TBC1D10B: variants seen among roughly 807,000 people sequenced by gnomAD.
TBC1D10B encodes Rab27A-GAPbeta.
In TBC1D10B, 25 loss-of-function variants were observed where a neutral mutation model predicts 78.4. That is an observed-to-expected ratio of 0.32 (90% CI 0.23 to 0.45). The LOEUF (loss-of-function observed/expected upper bound fraction) is 0.45, where lower values mean the gene tolerates loss of function less well. Among genes scored for constraint, TBC1D10B ranks in the 20% least tolerant of loss-of-function variants. The pLI, the probability that TBC1D10B is intolerant of heterozygous loss-of-function variation, is 1.00. For synonymous variants in TBC1D10B, 517 were observed against 478.0 expected, an observed-to-expected ratio of 1.08 and a Z score of -1.06; for missense variants, 996 against 1,104.8, an observed-to-expected ratio of 0.90 and a Z score of 1.40.
intron 1 of TBC1D10B, chr16:30,366,188 G>C (rs937236710): frequency 6.6e-6 from 1 of 152,322 alleles, no homozygotes; most frequent in African/African-American, 2.4e-5. Context: ...ACGAGATTCT[G>C]TCTCTACAAA....
chr16:30,361,520 C>A (rs1239706903), intron 4 of TBC1D10B, among the ~76,000 whole-genome samples: 1 of 152,068 alleles, frequency 6.6e-6, no homozygotes, highest in African/African-American at 2.4e-5. Flanking sequence ...AACTCTGTCT[C>A]CCAGGTTCAC....
chr16:30,365,758 A>C lies in TBC1D10B; in HGVS notation c.957-164T>G, dbSNP rs748840950. The C allele has an allele frequency of 1.6e-6, 1 of 626,798 alleles. No individual in the cohort carries two copies. Among genetic ancestry groups the C allele is most frequent in the East Asian group, 2.8e-5 (1 of 35,658 alleles). The allele number at this position is 626,798 out of a possible 1,614,324, so 38.8% of individuals were successfully genotyped here. On this transcript the variant is annotated intron_variant, in intron 1 of 8. Transcript: ENST00000409939. This position sits in a 1 kb window ranked among gnomAD's most constrained non-coding sequence, Gnocchi z 5.0. ...TGGCCACTTGGGCATCCCAAGGCAC[A>C]CTGAAAGGGCTTCCTTCCCTGATGG...
rs1013641678 is a variant in TBC1D10B, at chr16:30,358,441, C to T, written c.1930G>A (p.Glu644Lys). The T allele has an allele frequency of 5.7e-6, 9 of 1,588,558 alleles. No individual in the cohort carries two copies. Among genetic ancestry groups the T allele is most frequent in the African/African-American group, 2.7e-5 (2 of 74,388 alleles). The change falls in exon 9 of 9, where the codon GAG becomes AAG. Residue 644 changes from glutamate to lysine, a missense_variant. Around this residue, in one of 5 missense-constraint regions of TBC1D10B, gnomAD observed 285 missense variants for 252.5 expected, o/e 1.13. Transcript: ENST00000409939. ...RRLHGSRAIH[E>K]ERRRQQPPLG... ...GGTGGCTGTTGCCGCCGGCGCTCCT[C>T]GTGGATGGCCCGGGACCCATGCAGT...
intron 1 of TBC1D10B, among the ~76,000 whole-genome samples, chr16:30,368,170 T>G (rs1466858709): frequency 6.6e-6 from 1 of 152,200 alleles, no homozygotes; most frequent in East Asian, 1.9e-4. Context: ...TGATTTTGGT[T>G]GGCTCATGAA....
At chr16:30,361,324 C>G (rs1379962034) in intron 4 of TBC1D10B, among the ~76,000 whole-genome samples, 1 of 152,202 alleles carries the variant, frequency 6.6e-6, no homozygotes, top group African/African-American at 2.4e-5. Flanking sequence ...TTACCCCTCT[C>G]TTCCCTCCAA....
At position 30,358,533 on chromosome 16, in the gene TBC1D10B, TC is replaced by T; in HGVS notation, c.1837del (p.Glu613ArgfsTer298). 1 of 1,609,316 alleles carries T rather than the reference TC, an allele frequency of 6.2e-7. No individual in the cohort carries two copies. The highest frequency in any genetic ancestry group is 8.5e-7 in the Non-Finnish European group (1 of 1,176,542). ...LPVTEALIER[E>X]NAAQLKKWRE... is the part of the protein sequence containing the mutation. ...CCACTTCTTGAGCTGGGCTGCATTC[TC>T]CCGCTCAATCAGTGCTTCTGTCACC... On this transcript the variant is annotated frameshift_variant, in exon 9 of 9. Coordinates refer to ENST00000409939, the MANE Select transcript of TBC1D10B (RefSeq NM_015527.4). LOFTEE classifies it high-confidence loss of function.
rs113035492 is a variant in TBC1D10B at position 30,359,230 on chromosome 16, G to A, written c.1584C>T (p.Phe528=). The A allele has an allele frequency of 8.1e-6, 13 of 1,613,158 alleles. No individual in the cohort carries two copies. Among genetic ancestry groups the A allele is most frequent in the South Asian group, 5.5e-5 (5 of 90,874 alleles). The change falls in exon 7 of 9, where the codon TTC becomes TTT. Residue 528 remains phenylalanine (F), a synonymous_variant. Coordinates refer to ENST00000409939, the MANE Select transcript of TBC1D10B (RefSeq NM_015527.4). ...CCGACGCCCAGGGCAGGGTGCGGGC[G>A]AAGATGCACATGAACCACTCCGTCA... ...LYMTEWFMCI[F]ARTLPWASVL... is the part of the protein sequence containing the mutation.
In TBC1D10B at chr16:30,369,356, C is replaced by T. The variant is rs370266226; in HGVS notation, c.828G>A (p.Met276Ile). The part of the protein sequence containing the change: ...TLSYLDSVSL[M>I]SGTLESLADD... ...CCGCCAAGGACTCCAAGGTCCCAGA[C>T]ATGAGGCTCACGGAGTCCAAGTAAC... is the stretch of plus-strand genomic sequence containing the variant. The change falls in exon 1 of 9, where the codon ATG (methionine) becomes ATA (isoleucine). Residue 276 changes from methionine (M) to isoleucine (I), a missense_variant. Met to Ile is a conservative substitution (Grantham distance 10). Coordinates refer to ENST00000409939, the MANE Select transcript of TBC1D10B (RefSeq NM_015527.4). The surrounding 1 kb of genome is among the most constrained non-coding windows in gnomAD (Gnocchi z 4.3). 4 of 1,597,814 alleles carry T rather than the reference C, an allele frequency of 2.5e-6. No individual in the cohort carries two copies. The highest frequency in any genetic ancestry group is 2.7e-5 in the African/African-American group (2 of 74,588).
chr16:30,357,870 G>T lies in TBC1D10B; in HGVS notation c.*74C>A. ...GGACAGCCTGACAAGGTGCTAGGGG[G>T]TGGCACCTTGGGCCAGGCCTGTTCT... On this transcript the variant is annotated 3_prime_UTR_variant, in exon 9 of 9. Coordinates refer to ENST00000409939, the MANE Select transcript of TBC1D10B (RefSeq NM_015527.4). 1 of 1,477,702 alleles carries T rather than the reference G, an allele frequency of 6.8e-7. No individual in the cohort carries two copies. The highest frequency in any genetic ancestry group is 1.3e-5 in the South Asian group (1 of 74,130). 91.5% of individuals were successfully genotyped at this position (1,477,702 alleles called of 1,614,324 possible).
In TBC1D10B at chr16:30,365,402, A is replaced by T; in HGVS notation, c.1056+93T>A. On this transcript the variant is annotated intron_variant, in intron 2 of 8. Coordinates refer to ENST00000409939, the MANE Select transcript of TBC1D10B (RefSeq NM_015527.4). The surrounding 1 kb of genome is among the most constrained non-coding windows in gnomAD (Gnocchi z 5.0). ...CCCATCTATCCCCAGTGTGGTCCAG[A>T]GGGCAGATATTATCGGCTTCCTGGG... The T allele has an allele frequency of 6.8e-7, 1 of 1,460,720 alleles. No individual in the cohort carries two copies. The allele number at this position is 1,460,720 out of a possible 1,614,324, so 90.5% of individuals were successfully genotyped here.
At position 30,365,197 on chromosome 16, in the gene TBC1D10B, G is replaced by A. The variant is rs1484516122; in HGVS notation, c.1072C>T (p.Arg358Trp). The A allele has an allele frequency of 4.3e-6, 7 of 1,613,838 alleles. No individual in the cohort carries two copies. The highest frequency in any genetic ancestry group is 2.2e-5 in the East Asian group (1 of 44,878). Residue 358 changes from arginine (R) to tryptophan (W), a missense_variant, in exon 3 of 9, where the codon CGG becomes TGG. Physicochemically the swap from Arg to Trp is moderately radical, Grantham distance 101. Coordinates refer to ENST00000409939, the MANE Select transcript of TBC1D10B (RefSeq NM_015527.4). This position sits in a 1 kb window ranked among gnomAD's most constrained non-coding sequence, Gnocchi z 5.0. ...RRFQKVKLRC[R>W]KGIPSSLRAK... Reference sequence around the variant, plus strand: ...CTGAGAGAGGAGGGGATCCCCTTCCGGCAGCGCAGCTTCACCTAAGGCAAA... The same window carrying A: ...CTGAGAGAGGAGGGGATCCCCTTCCAGCAGCGCAGCTTCACCTAAGGCAAA...
At chr16:30,366,433 A>C (rs980903016) in intron 1 of TBC1D10B, 3 of 152,112 alleles carry the variant, frequency 2.0e-5, no homozygotes, top group African/African-American at 7.2e-5. Flanking sequence ...TGAACCCGGG[A>C]GGCGGAGGGT....
Position 30,369,400 on chromosome 16 carries a change from G to C in TBC1D10B, c.784C>G (p.Gln262Glu). The C allele has an allele frequency of 1.3e-6, 2 of 1,582,162 alleles. No individual in the cohort carries two copies. The highest frequency in any genetic ancestry group is 1.7e-6 in the Non-Finnish European group (2 of 1,164,332). The part of the protein sequence containing the change: ...LGPGISGPRG[Q>E]APDTLSYLDS... Reference sequence around the variant, plus strand: ...AAGTAACTCAGCGTGTCCGGGGCCTGCCCTCGAGGCCCAGAGATGCCAGGT... The same window carrying C: ...AAGTAACTCAGCGTGTCCGGGGCCTCCCCTCGAGGCCCAGAGATGCCAGGT... Residue 262 changes from glutamine (Q) to glutamate (E), a missense_variant, in exon 1 of 9, where the codon CAG (glutamine) becomes GAG (glutamate). Physicochemically the swap from Gln to Glu is conservative, Grantham distance 29. Transcript: ENST00000409939. The surrounding 1 kb of genome is among the most constrained non-coding windows in gnomAD (Gnocchi z 4.3).
chr16:30,369,446 C>T lies in TBC1D10B; in HGVS notation c.738G>A (p.Leu246=), dbSNP rs2049665727. ...APEPAENSQD[L]GSTSSLGPGI... The stretch of plus-strand genomic sequence containing the variant: ...CAGGTCCCAGGCTGGACGTGGAGCC[C>T]AGGTCTTGAGAGTTTTCAGCAGGCT... The change falls in exon 1 of 9, where the codon CTG becomes CTA. Residue 246 remains leucine, a synonymous_variant. Transcript: ENST00000409939. The surrounding 1 kb of genome is among the most constrained non-coding windows in gnomAD (Gnocchi z 4.3). 6.4e-7 allele frequency: 1 copy of T among 1,554,948 alleles called. No homozygotes were observed. Among genetic ancestry groups the T allele is most frequent in the Non-Finnish European group, 8.7e-7 (1 of 1,149,136 alleles).
rs2049570435 is a variant in TBC1D10B at position 30,358,212 on chromosome 16, T to C, written c.2159A>G (p.Glu720Gly). Reference protein sequence around the residue: ...GNSTPLGSSKETRKQEKERQK... With the variant: ...GNSTPLGSSKGTRKQEKERQK... Reference sequence around the variant, plus strand: ...CCGCTCCTTCTCCTGCTTCCGGGTCTCCTTGCTGGAACCCAAGGGGGTGCT... The same window carrying C: ...CCGCTCCTTCTCCTGCTTCCGGGTCCCCTTGCTGGAACCCAAGGGGGTGCT... Residue 720 changes from glutamate to glycine, a missense_variant, in exon 9 of 9, where the codon GAG becomes GGG. Physicochemically the swap from Glu to Gly is moderately conservative, Grantham distance 98. Coordinates refer to ENST00000409939, the MANE Select transcript of TBC1D10B (RefSeq NM_015527.4). The C allele has an allele frequency of 6.4e-7, 1 of 1,553,460 alleles. No homozygotes were observed. Among genetic ancestry groups the C allele is most frequent in the South Asian group, 1.2e-5 (1 of 84,138 alleles).
intron 6 of TBC1D10B, 69 bp downstream of exon 6, chr16:30,359,469 G>GGCAGCCT: frequency 6.5e-7 from 1 of 1,550,128 alleles, no homozygotes; most frequent in African/African-American, 1.4e-5. Flanking sequence ...GGTGGGGCAA[G>GGCAGCCT]GCAAGGACCT....
At position 30,365,447 on chromosome 16, in the gene TBC1D10B, ACC is replaced by A. The variant is rs1567413964; in HGVS notation, c.1056+46_1056+47del. On this transcript the variant is annotated intron_variant, in intron 2 of 8. Transcript: ENST00000409939. The surrounding 1 kb of genome is among the most constrained non-coding windows in gnomAD (Gnocchi z 5.0). ...CCTGGGCTTCCCTGGAGCACATGCTACCCCTCCCAACTTGTGCATTGCCCTGC... is the reference window on the plus strand; with the variant it reads ...CCTGGGCTTCCCTGGAGCACATGCTACCTCCCAACTTGTGCATTGCCCTGC... 1.9e-6 allele frequency: 3 copies of A among 1,596,214 alleles called. No homozygotes were observed. The highest frequency in any genetic ancestry group is 2.6e-6 in the Non-Finnish European group (3 of 1,163,796).
At position 30,358,026 on chromosome 16, in the gene TBC1D10B, C is replaced by T. The variant is rs567753009; in HGVS notation, c.2345G>A (p.Arg782His). The T allele has an allele frequency of 1.4e-5, 21 of 1,551,870 alleles. No homozygotes were observed. The highest frequency in any genetic ancestry group is 1.5e-5 in the Non-Finnish European group (17 of 1,147,012). The change falls in exon 9 of 9, where the codon CGT (arginine) becomes CAT (histidine). Residue 782 changes from arginine (R) to histidine (H), a missense_variant. Physicochemically the swap from Arg to His is conservative, Grantham distance 29. This residue lies in a region of TBC1D10B where 285 missense variants were observed against 252.5 expected (regional missense o/e 1.13). Transcript: ENST00000409939. ...KKAQGRKLSL[R>H]RKADGPPGPH... The stretch of plus-strand genomic sequence containing the variant: ...GCCTGGGGGCCCATCTGCCTTTCGA[C>T]GCAGCGAAAGCTTCCGGCCTTGAGC...
chr16:30,370,232 C>T lies in TBC1D10B; in HGVS notation c.-49G>A. On this transcript the variant is annotated 5_prime_UTR_variant, in exon 1 of 9. Transcript: ENST00000409939. Reference sequence around the variant, plus strand: ...CCCCCGCCGGGGAGGCCGCAGAAGGCGCCGCCCCTCGGGCCTCCCGGCGAG... The same window carrying T: ...CCCCCGCCGGGGAGGCCGCAGAAGGTGCCGCCCCTCGGGCCTCCCGGCGAG... 2 of 1,003,300 alleles carry T rather than the reference C, an allele frequency of 2.0e-6. No homozygotes were observed. The highest frequency in any genetic ancestry group is 2.5e-6 in the Non-Finnish European group (2 of 808,536). The allele number at this position is 1,003,300 out of a possible 1,614,324, so 62.1% of individuals were successfully genotyped here.
Sources: gnomAD v4.1 joint callset for allele counts (sites outside exome capture counted in the v4.1 genomes callset) on GRCh38, gnomAD v4.1.1 for gene constraint, gnomAD v4.1.1 regional missense constraint, Gnocchi (gnomAD v3.1) non-coding constraint, MANE v1.5 for transcripts, NCBI Gene and HGNC (gene_info 2026-07-23, HGNC 2026-07-21) for gene names.